DLC1: variants seen among roughly 807,000 people sequenced by gnomAD.
The protein encoded by DLC1 is DLC1 Rho GTPase activating protein, also known as rho GTPase-activating protein 7.
DLC1 carries 54 observed loss-of-function variants against 140.3 expected under a neutral mutation model. The observed-to-expected ratio is 0.38, with a 90% CI of 0.31 to 0.48. The LOEUF (loss-of-function observed/expected upper bound fraction) is 0.48, where lower values mean the gene tolerates loss of function less well. Ranked by LOEUF, DLC1 falls within the 20% of genes least tolerant of loss-of-function variation. The pLI is 0.96. For synonymous variants in DLC1, 986 were observed against 728.1 expected (o/e 1.35, Z -5.70); for missense variants, 2,536 against 1,907.0 (o/e 1.33, Z -6.14).
At chr8:13,278,916 A>G (rs1325467271) in intron 5 of DLC1, among the ~76,000 whole-genome samples, 1 of 152,216 alleles carries the variant, frequency 6.6e-6, no homozygotes, top group African/African-American at 2.4e-5. Flanking sequence ...CTTGAAGCTT[A>G]GAAAGAAAAA....
At chr8:13,130,713 G>C (rs1319781799) in intron 5 of DLC1, among the ~76,000 whole-genome samples, 2 of 152,200 alleles carry the variant, frequency 1.3e-5, no homozygotes, top group African/African-American at 4.8e-5. Flanking sequence ...TATGACATAA[G>C]TCACCAAAAC....
chr8:13,584,864 C>A (rs1805245047), intron 1 of DLC1, among the ~76,000 whole-genome samples: 1 of 152,166 alleles, frequency 6.6e-6, no homozygotes, highest in Admixed American at 6.5e-5. Flanking sequence ...GTCTCAAAAC[C>A]ACATTATAAT....
intron 5 of DLC1, among the ~76,000 whole-genome samples, chr8:13,298,018 C>G (rs1008331830): frequency 1.3e-5 from 2 of 152,202 alleles, no homozygotes; most frequent in South Asian, 2.1e-4. Context: ...TATGAAAATT[C>G]TGATTTTTCC....
chr8:13,543,630 T>TTA (rs1326234399), intron 1 of DLC1, among the ~76,000 whole-genome samples: 2 of 152,226 alleles, frequency 1.3e-5, no homozygotes, highest in African/African-American at 2.4e-5. Context: ...TGTTTTATAT[T>TTA]TATATATATA....
intron 4 of DLC1, among the ~76,000 whole-genome samples, chr8:13,327,265 G>C (rs918363374): frequency 6.6e-6 from 1 of 151,416 alleles, no homozygotes; most frequent in East Asian, 1.9e-4. Flanking sequence ...GAGCCACTGC[G>C]CCCGGCCCCA....
chr8:13,382,529 A>AAAAAAAAAAAAAAAGAAAG (rs557423876), intron 4 of DLC1, among the ~76,000 whole-genome samples: 2 of 109,456 alleles, frequency 1.8e-5, no homozygotes, highest in African/African-American at 7.1e-5. Context: ...AAAAAAAAAA[A>AAAAAAAAAAAAAAAGAAAG]AAAGAAAGAG....
intron 1 of DLC1, among the ~76,000 whole-genome samples, chr8:13,590,266 C>G (rs115292178): frequency 8.6e-5 from 13 of 151,878 alleles, no homozygotes; most frequent in African/African-American, 2.9e-4. Flanking sequence ...TATGAGTCCT[C>G]CCTTTCTAAG....
Position 13,548,544 on chromosome 8 carries a change from G to C in DLC1, c.-125-48348C>G, listed in dbSNP as rs967463314. ...GCTACAAGGAATATTTCTATGGTTTGAATGTCTGAAAATTATGCTAAAATT... is the reference window on the plus strand; with the variant it reads ...GCTACAAGGAATATTTCTATGGTTTCAATGTCTGAAAATTATGCTAAAATT... On this transcript the variant is annotated intron_variant, in intron 1 of 1. Transcript: ENST00000631382. 5.9e-5 allele frequency among the ~76,000 whole-genome samples: 9 copies of C among 151,982 alleles called. 1 individual carries two copies. The highest frequency in any genetic ancestry group is 9.7e-5 in the African/African-American group (4 of 41,414).
At chr8:13,567,111 C>A in intron 1 of DLC1, 1 of 1,551,762 alleles carries the variant, frequency 6.4e-7, no homozygotes, top group Non-Finnish European at 8.7e-7. Flanking sequence ...CATTCAGCTC[C>A]TCTGGAGGAC....
intron 1 of DLC1, among the ~76,000 whole-genome samples, chr8:13,540,354 A>G (rs917977081): frequency 6.6e-6 from 1 of 152,218 alleles, no homozygotes; most frequent in Non-Finnish European, 1.5e-5. Context: ...CTAACCGTTC[A>G]TATTTTCTAT....
intron 5 of DLC1, among the ~76,000 whole-genome samples, chr8:13,267,655 A>T (rs114251936): frequency 7.9e-5 from 12 of 152,194 alleles, no homozygotes; most frequent in African/African-American, 2.9e-4. Context: ...TGACTTTTAC[A>T]CCAGCAACCT....
intron 5 of DLC1, among the ~76,000 whole-genome samples, chr8:13,299,956 C>A (rs901826213): frequency 7.9e-5 from 12 of 152,166 alleles, no homozygotes; most frequent in Admixed American, 7.2e-4. Context: ...GAGTATAAAT[C>A]ATTCTATTAT....
chr8:13,235,438 T>C (rs1475940833), intron 5 of DLC1, among the ~76,000 whole-genome samples: 1 of 152,060 alleles, frequency 6.6e-6, no homozygotes, highest in Non-Finnish European at 1.5e-5. Context: ...ATGTGTATAT[T>C]CAATATCTCT....
intron 1 of DLC1, among the ~76,000 whole-genome samples, chr8:13,590,839 A>T (rs192441631): frequency 8.5e-5 from 13 of 152,278 alleles, no homozygotes; most frequent in African/African-American, 3.1e-4. Context: ...GTAATTAAAA[A>T]TGCTTCATTT....
chr8:13,218,174 A>G (rs2117137100), intron 5 of DLC1, among the ~76,000 whole-genome samples: 1 of 152,316 alleles, frequency 6.6e-6, no homozygotes, highest in South Asian at 2.1e-4. Flanking sequence ...TGCTGGGACA[A>G]CTGACTAGCC....
At chr8:13,352,505 G>C (rs780052994) in intron 4 of DLC1, among the ~76,000 whole-genome samples, 1 of 151,698 alleles carries the variant, frequency 6.6e-6, no homozygotes, top group Admixed American at 6.6e-5. Context: ...CCTCGGCCTC[G>C]CAAGTAGCTG....
At chr8:13,411,261 G>T (rs745327548) in intron 2 of DLC1, among the ~76,000 whole-genome samples, 2 of 152,184 alleles carry the variant, frequency 1.3e-5, no homozygotes, top group Admixed American at 1.3e-4. Context: ...ACCATGGAAA[G>T]ATATGGAGGA....
At chr8:13,238,451 T>A (rs1829392193) in intron 5 of DLC1, among the ~76,000 whole-genome samples, 1 of 151,696 alleles carries the variant, frequency 6.6e-6, no homozygotes, top group Non-Finnish European at 1.5e-5. Flanking sequence ...AGGTGGAGGC[T>A]GCAGTGAGCC....
intron 4 of DLC1, among the ~76,000 whole-genome samples, chr8:13,385,061 G>GC (rs1836456995): frequency 6.6e-6 from 1 of 152,146 alleles, no homozygotes; most frequent in Non-Finnish European, 1.5e-5. Flanking sequence ...AGTCAGCTTG[G>GC]CTGGGACAGG....
Sources: allele counts gnomAD v4.1 joint callset (sites outside exome capture counted in the v4.1 genomes callset), GRCh38; gene constraint gnomAD v4.1.1; transcripts MANE v1.5; gene names NCBI Gene and HGNC (gene_info 2026-07-23, HGNC 2026-07-21).